Variants in C8orf89 observed in about 807,000 individuals in gnomAD.
C8orf89 encodes the protein chromosome 8 open reading frame 89, also known as putative uncharacterized protein C8orf89.
In C8orf89, 14 loss-of-function variants were observed where a neutral mutation model predicts 15.8. That is an observed-to-expected ratio of 0.89 (90% confidence interval 0.59 to 1.39). The LOEUF is 1.39. Ranked by LOEUF, C8orf89 falls within the 40% of genes most tolerant of loss-of-function variation. C8orf89 has a pLI of 0.00. For missense variants in C8orf89, 181 were observed against 184.5 expected (o/e 0.98, Z 0.11); for synonymous variants, 55 against 62.2 (o/e 0.88, Z 0.54).
At chr8:73,248,909 C>T (rs1045044492) in intron 3 of C8orf89, among the ~76,000 whole-genome samples, 9 of 152,154 alleles carry the variant, frequency 5.9e-5, no homozygotes, top group African/African-American at 1.9e-4. Flanking sequence ...CACTTTCTCT[C>T]TTCCTATTGG....
At chr8:73,255,916 A>G (rs1389761916) in intron 2 of C8orf89, among the ~76,000 whole-genome samples, 3 of 147,194 alleles carry the variant, frequency 2.0e-5, no homozygotes, top group African/African-American at 7.5e-5. Context: ...CAATGAGAAC[A>G]CATGGACACA....
intron 3 of C8orf89, among the ~76,000 whole-genome samples, chr8:73,242,682 G>A (rs2130240409): frequency 6.6e-6 from 1 of 152,250 alleles, no homozygotes; most frequent in Admixed American, 6.5e-5. Context: ...AGAGAAAAAA[G>A]GGAACCCTCA....
chr8:73,263,439 G>A (rs1244207127), upstream of C8orf89, among the ~76,000 whole-genome samples: 1 of 150,996 alleles, frequency 6.6e-6, no homozygotes, highest in African/African-American at 2.4e-5. Flanking sequence ...GCTTGAACCT[G>A]AGAAGTAGAG....
intron 3 of C8orf89, among the ~76,000 whole-genome samples, chr8:73,249,339 T>A (rs1202034507): frequency 1.3e-5 from 2 of 152,178 alleles, no homozygotes; most frequent in Non-Finnish European, 2.9e-5. Flanking sequence ...TTGTTGAGGA[T>A]TTTTACATCA....
At chr8:73,247,288 C>T (rs1813148940) in intron 3 of C8orf89, among the ~76,000 whole-genome samples, 1 of 151,264 alleles carries the variant, frequency 6.6e-6, no homozygotes, top group South Asian at 2.1e-4. Flanking sequence ...TTTTTTATGG[C>T]TGCATAGTAT....
At chr8:73,267,439 A>ACTTAAAAAC in the C8orf89 span, among the ~76,000 whole-genome samples, 1 of 152,230 alleles carries the variant, frequency 6.6e-6, no homozygotes, top group Non-Finnish European at 1.5e-5. Flanking sequence ...AAACAACAGC[A>ACTTAAAAAC]AAAACAAATG....
At chr8:73,245,460 G>C (rs1011730447) in intron 3 of C8orf89, among the ~76,000 whole-genome samples, 19 of 152,062 alleles carry the variant, frequency 1.2e-4, no homozygotes, top group Admixed American at 7.9e-4. Context: ...TAGATACACA[G>C]TAGGAAAAGA....
At chr8:73,264,044 G>A (rs1458416759), upstream of C8orf89, among the ~76,000 whole-genome samples, 1 of 152,118 alleles carries the variant, frequency 6.6e-6, no homozygotes, top group Non-Finnish European at 1.5e-5. Flanking sequence ...GGTCAAATAA[G>A]TTAATCTCAC....
chr8:73,248,683 T>A (rs144389666), intron 3 of C8orf89, among the ~76,000 whole-genome samples: 1,538 of 152,282 alleles, frequency 0.01, 28 homozygotes, highest in African/African-American at 0.036. Flanking sequence ...TTCCTAGGTA[T>A]ATTATTCTTT....
At chr8:73,255,475 G>A (rs1420510178) in intron 2 of C8orf89, among the ~76,000 whole-genome samples, 2 of 152,190 alleles carry the variant, frequency 1.3e-5, no homozygotes, top group East Asian at 1.9e-4. Context: ...AACAACAGGT[G>A]CTAGAGAGGA....
At chr8:73,241,655 G>C in intron 3 of C8orf89, 50 bp from the exon 4 acceptor site, 3 of 1,343,698 alleles carry the variant, frequency 2.2e-6, no homozygotes, top group Non-Finnish European at 2.0e-6. Context: ...AAGCACACAT[G>C]AATAATATTC....
the C8orf89 span, among the ~76,000 whole-genome samples, chr8:73,269,081 C>G: frequency 6.6e-6 from 1 of 152,024 alleles, no homozygotes; most frequent in South Asian, 2.1e-4. Flanking sequence ...TTGTGGGGAT[C>G]AAGTATCCAG....
the C8orf89 span, among the ~76,000 whole-genome samples, chr8:73,284,982 T>C: frequency 1.3e-5 from 2 of 152,228 alleles, no homozygotes; most frequent in Non-Finnish European, 2.9e-5. Context: ...TAGAAAAGAC[T>C]ACCTATGTTA....
At chr8:73,256,941 C>A in intron 2 of C8orf89, 32 bp downstream of exon 2, 1 of 1,496,960 alleles carries the variant, frequency 6.7e-7, no homozygotes, top group Non-Finnish European at 8.9e-7. Context: ...AATACACATT[C>A]AACAAATGAG....
rs951061763 is a variant in C8orf89, at chr8:73,241,485, C to CTTT, written c.455_457dup (p.Lys152dup). The CTTT allele has an allele frequency of 6.6e-7, 1 of 1,524,604 alleles. No individual in the cohort carries two copies. The highest frequency in any genetic ancestry group is 8.8e-7 in the Non-Finnish European group (1 of 1,140,530). 94.4% of individuals were successfully genotyped at this position (1,524,604 alleles called of 1,614,324 possible). ...GCGGTCTCGGAGGTCTCGTTTCTTG[C>CTTT]TTTTTTTTGATTTTGTGGTTGTTTC... On this transcript the variant is annotated inframe_insertion, in exon 4 of 4. Coordinates refer to ENST00000624510, the MANE Select transcript of C8orf89 (RefSeq NM_001243237.3).
the C8orf89 span, among the ~76,000 whole-genome samples, chr8:73,276,694 T>G: frequency 2.6e-5 from 4 of 151,852 alleles, no homozygotes; most frequent in African/African-American, 9.7e-5. Context: ...AATTCTGTAA[T>G]CTTCAAGTCA....
chr8:73,258,150 G>C (rs530550902), intron 1 of C8orf89, among the ~76,000 whole-genome samples: 102 of 152,114 alleles, frequency 6.7e-4, no homozygotes, highest in Non-Finnish European at 1.2e-3. Context: ...GGTGGCTTAC[G>C]CCTGTAATCC....
the C8orf89 span, among the ~76,000 whole-genome samples, chr8:73,265,073 C>G: frequency 6.6e-6 from 1 of 151,212 alleles, no homozygotes; most frequent in Admixed American, 6.6e-5. Flanking sequence ...ATTGCAAACA[C>G]TTCTTGAGGA....
chr8:73,271,321 G>C, the C8orf89 span, among the ~76,000 whole-genome samples: 1 of 152,188 alleles, frequency 6.6e-6, no homozygotes, highest in Admixed American at 6.5e-5. Flanking sequence ...TTGGGTCATG[G>C]GAGTGGATCT....
Sources: gnomAD v4.1 joint callset for allele counts (sites outside exome capture counted in the v4.1 genomes callset) on GRCh38, gnomAD v4.1.1 for gene constraint, MANE v1.5 for transcripts, NCBI Gene and HGNC (gene_info 2026-07-23, HGNC 2026-07-21) for gene names.